Variants in AP3B1 observed in about 807,000 individuals in gnomAD.
AP3B1 encodes the protein adaptor related protein complex 3 subunit beta 1.
AP3B1 carries 61 observed loss-of-function variants against 132.5 expected under a neutral mutation model. The observed-to-expected ratio is 0.46, with a 90% CI of 0.37 to 0.57. The LOEUF is 0.57. AP3B1 is among the 20% of genes least tolerant of loss of function. The pLI, the probability that AP3B1 is intolerant of heterozygous loss-of-function variation, is 0.00. For missense variants in AP3B1, 1,120 were observed against 1,289.4 expected, an observed-to-expected ratio of 0.87 and a Z score of 2.01; for synonymous variants, 388 against 438.3, an observed-to-expected ratio of 0.89 and a Z score of 1.43.
chr5:78,291,867 G>A (rs1360087415), intron 1 of AP3B1, among the ~76,000 whole-genome samples: 6 of 152,264 alleles, frequency 3.9e-5, no homozygotes, highest in South Asian at 2.1e-4. Flanking sequence ...CTGTAGTTGC[G>A]TAAGAGAATA....
Position 78,110,294 on chromosome 5 carries a change from G to A in AP3B1, c.2310C>T (p.Asp770=), listed in dbSNP as rs142938290. 2.8e-4 allele frequency: 444 copies of A among 1,607,086 alleles called. No homozygotes were observed. The highest frequency in any genetic ancestry group is 3.2e-4 in the Non-Finnish European group (375 of 1,175,012). Residue 770 remains aspartate (D), a synonymous_variant, in exon 20 of 27, where the codon GAC becomes GAT. Coordinates refer to ENST00000255194, the MANE Select transcript of AP3B1 (RefSeq NM_003664.5). The stretch of plus-strand genomic sequence containing the variant: ...AACTGTCTTCTATTGAACTAGATTC[G>A]TCATTTGAAGAATCTGAAGTTTTAG... ...EKSKTSDSSN[D]ESSSIEDSSS...
intron 21 of AP3B1, among the ~76,000 whole-genome samples, chr5:78,099,662 C>T (rs185884871): frequency 1.3e-5 from 2 of 152,094 alleles, no homozygotes; most frequent in East Asian, 1.9e-4. Context: ...GTTGGGAAGC[C>T]GAGGTGGGTG....
At chr5:78,280,492 G>A (rs116242324) in intron 1 of AP3B1, among the ~76,000 whole-genome samples, 2,520 of 152,252 alleles carry the variant, frequency 0.017, 72 homozygotes, top group African/African-American at 0.058. Flanking sequence ...TAATAGGCAT[G>A]GTGCCACAGT....
intron 1 of AP3B1, among the ~76,000 whole-genome samples, chr5:78,291,606 C>T (rs140864760): frequency 9.2e-5 from 14 of 152,068 alleles, no homozygotes; most frequent in African/African-American, 2.7e-4. Context: ...GAGGAAACAC[C>T]AGCAAACCCA....
At chr5:78,137,513 T>C (rs985549842) in intron 15 of AP3B1, among the ~76,000 whole-genome samples, 1 of 152,200 alleles carries the variant, frequency 6.6e-6, no homozygotes, top group Non-Finnish European at 1.5e-5. Flanking sequence ...TTTGGAGGTC[T>C]AGCCACTGTG....
In AP3B1 at chr5:78,002,837, G is replaced by A; in HGVS notation, c.*65C>T. 6.4e-7 allele frequency: 1 copy of A among 1,568,702 alleles called. No individual in the cohort carries two copies. Among genetic ancestry groups the A allele is most frequent in the Non-Finnish European group, 8.8e-7 (1 of 1,138,704 alleles). ...GAAGGGCTATTATTATAAATGAAAGGCAGCAGTAGTGGATGCCAGGCACTT... is the reference window on the plus strand; with the variant it reads ...GAAGGGCTATTATTATAAATGAAAGACAGCAGTAGTGGATGCCAGGCACTT... On this transcript the variant is annotated 3_prime_UTR_variant, in exon 27 of 27. Coordinates refer to ENST00000255194, the MANE Select transcript of AP3B1 (RefSeq NM_003664.5).
chr5:78,232,140 C>A (rs763574377), intron 3 of AP3B1, among the ~76,000 whole-genome samples: 1 of 152,144 alleles, frequency 6.6e-6, no homozygotes, highest in Admixed American at 6.5e-5. Context: ...TTCCAGATGG[C>A]CCTCAAAACA....
chr5:78,166,972 C>T (rs569147229), intron 11 of AP3B1, among the ~76,000 whole-genome samples: 48 of 152,188 alleles, frequency 3.2e-4, no homozygotes, highest in African/African-American at 1.1e-3. Context: ...ATAACAAATG[C>T]AACAAAAACA....
intron 22 of AP3B1, among the ~76,000 whole-genome samples, chr5:78,041,558 CA>C (rs566497086): frequency 1.1e-3 from 156 of 141,850 alleles, no homozygotes; most frequent in Non-Finnish European, 4.2e-4. Flanking sequence ...GACCCTGTCT[CA>C]AAAAAAAAAT....
At chr5:78,211,800 C>T (rs1427466647) in intron 7 of AP3B1, among the ~76,000 whole-genome samples, 1 of 152,170 alleles carries the variant, frequency 6.6e-6, no homozygotes, top group Non-Finnish European at 1.5e-5. Flanking sequence ...TTACAAGTCA[C>T]AGGGTAACAA....
At chr5:78,046,740 A>G (rs1415899526) in intron 22 of AP3B1, among the ~76,000 whole-genome samples, 2 of 151,992 alleles carry the variant, frequency 1.3e-5, no homozygotes, top group African/African-American at 4.8e-5. Context: ...TCTGGGATAC[A>G]TGTGCAGAAT....
chr5:78,236,521 G>C (rs1746886511), intron 3 of AP3B1, among the ~76,000 whole-genome samples: 1 of 152,172 alleles, frequency 6.6e-6, no homozygotes, highest in Admixed American at 6.5e-5. Context: ...ACCTAGCTTT[G>C]GATTCTGACT....
At chr5:78,147,167 A>G (rs932950712) in intron 14 of AP3B1, among the ~76,000 whole-genome samples, 1 of 152,012 alleles carries the variant, frequency 6.6e-6, no homozygotes, top group Non-Finnish European at 1.5e-5. Flanking sequence ...TTTCCTTTAC[A>G]TATTTATTTG....
At chr5:78,000,814 A>G (rs147609306), downstream of AP3B1, 10 of 152,356 alleles carry the variant, frequency 6.6e-5, no homozygotes, top group East Asian at 1.9e-3. Flanking sequence ...AGTTAAAGGA[A>G]ATATGAGGCA....
intron 11 of AP3B1, among the ~76,000 whole-genome samples, chr5:78,174,008 C>T (rs554431085): frequency 1.3e-5 from 2 of 152,310 alleles, no homozygotes; most frequent in South Asian, 4.1e-4. Flanking sequence ...TCACAAAGCT[C>T]TCGTGCCACA....
rs1370983290 is a variant in AP3B1, at chr5:78,191,675, T to C, written c.787-10013A>G. ...AGAACAAAATCCATCATCCAAAGCT[T>C]CAAACTAGTCCAACAACTTATCAGA... On this transcript the variant is annotated intron_variant, in intron 7 of 26. Coordinates refer to ENST00000255194, the MANE Select transcript of AP3B1 (RefSeq NM_003664.5). Among the ~76,000 whole-genome samples the C allele has an allele frequency of 2.0e-5, 3 of 152,092 alleles. No individual in the cohort carries two copies. The East Asian group carries it at 5.8e-4, about 29-fold the overall frequency.
intron 1 of AP3B1, among the ~76,000 whole-genome samples, chr5:78,274,216 C>T (rs958085341): frequency 1.6e-4 from 25 of 151,538 alleles, no homozygotes; most frequent in African/African-American, 6.1e-4. Flanking sequence ...ACCAAATGGA[C>T]ATTCAGAACT....
chr5:78,243,437 T>C (rs1401740461), intron 2 of AP3B1, among the ~76,000 whole-genome samples: 2 of 152,186 alleles, frequency 1.3e-5, no homozygotes, highest in African/African-American at 2.4e-5. Context: ...TCAACAAATA[T>C]TTGCTGAGAA....
At chr5:78,210,181 T>C (rs1324081057) in intron 7 of AP3B1, among the ~76,000 whole-genome samples, 3 of 152,094 alleles carry the variant, frequency 2.0e-5, no homozygotes, top group Admixed American at 2.0e-4. Context: ...GGATCTATAG[T>C]CCATTGGTAA....
Sources: gnomAD v4.1 joint callset for allele counts (sites outside exome capture counted in the v4.1 genomes callset) on GRCh38, gnomAD v4.1.1 for gene constraint, MANE v1.5 for transcripts, NCBI Gene and HGNC (gene_info 2026-07-23, HGNC 2026-07-21) for gene names.